RALGAPA2: variants seen among roughly 807,000 people sequenced by gnomAD.
The protein encoded by RALGAPA2 is Ral GTPase activating protein catalytic subunit alpha 2.
In RALGAPA2, 139 loss-of-function variants were observed where a neutral mutation model predicts 230.4. The observed-to-expected ratio is 0.60, with a 90% CI of 0.53 to 0.69. The LOEUF (loss-of-function observed/expected upper bound fraction) is 0.69, where lower values mean the gene tolerates loss of function less well. Ranked by LOEUF, RALGAPA2 falls within the 30% of genes least tolerant of loss-of-function variation. The pLI, the probability that RALGAPA2 is intolerant of heterozygous loss-of-function variation, is 0.00. For synonymous variants in RALGAPA2, 847 were observed against 837.8 expected (o/e 1.01, Z -0.19); for missense variants, 2,163 against 2,276.0 (o/e 0.95, Z 1.01).
At chr20:20,608,736 T>G (rs2065896311) in intron 14 of RALGAPA2, among the ~76,000 whole-genome samples, 1 of 152,218 alleles carries the variant, frequency 6.6e-6, no homozygotes, top group Admixed American at 6.5e-5. Flanking sequence ...CTTAGTATTC[T>G]TGCCTCTTGC....
chr20:20,444,610 T>A (rs1359410406), intron 37 of RALGAPA2, among the ~76,000 whole-genome samples: 2 of 152,146 alleles, frequency 1.3e-5, no homozygotes, highest in Admixed American at 1.3e-4. Flanking sequence ...GGATAACTCC[T>A]CTCCTGATAC....
At chr20:20,648,968 C>G (rs569743961) in intron 4 of RALGAPA2, among the ~76,000 whole-genome samples, 1 of 152,214 alleles carries the variant, frequency 6.6e-6, no homozygotes, top group East Asian at 1.9e-4. Flanking sequence ...GGTTTCAGGG[C>G]TATTGTTTAA....
intron 38 of RALGAPA2, among the ~76,000 whole-genome samples, chr20:20,400,436 A>G (rs7264033): frequency 0.08 from 12,221 of 152,256 alleles, 1,269 homozygotes; most frequent in African/African-American, 0.25. Flanking sequence ...GCTCCCGTGC[A>G]GGGGCTAAGT....
chr20:20,404,972 C>T (rs1325384424), intron 38 of RALGAPA2, among the ~76,000 whole-genome samples: 7 of 152,188 alleles, frequency 4.6e-5, no homozygotes, highest in Admixed American at 2.6e-4. Context: ...TCACTGTCCC[C>T]GCAGTGGCTC....
chr20:20,641,263 G>A (rs2067021757), intron 5 of RALGAPA2, among the ~76,000 whole-genome samples: 2 of 152,192 alleles, frequency 1.3e-5, no homozygotes, highest in African/African-American at 4.8e-5. Flanking sequence ...CTCCCAGTAA[G>A]CACTATGTAA....
intron 1 of RALGAPA2, among the ~76,000 whole-genome samples, chr20:20,706,265 AG>A (rs1290789881): frequency 6.6e-6 from 1 of 152,190 alleles, no homozygotes; most frequent in Non-Finnish European, 1.5e-5. Flanking sequence ...CAAGCCTTAG[AG>A]GGATGGATGG....
intron 37 of RALGAPA2, among the ~76,000 whole-genome samples, chr20:20,421,514 T>C (rs1270377023): frequency 6.6e-6 from 1 of 152,004 alleles, no homozygotes; most frequent in Non-Finnish European, 1.5e-5. Context: ...CTACTAAAAA[T>C]ACAAAATTAG....
intron 36 of RALGAPA2, among the ~76,000 whole-genome samples, chr20:20,492,136 G>A (rs780315680): frequency 2.0e-5 from 3 of 152,098 alleles, no homozygotes; most frequent in Non-Finnish European, 4.4e-5. Context: ...TAATGAGGCC[G>A]AGTGAATGAA....
At chr20:20,619,202 C>T (rs1463159016) in intron 12 of RALGAPA2, 75 bp downstream of exon 12, 1 of 1,367,932 alleles carries the variant, frequency 7.3e-7, no homozygotes, top group Non-Finnish European at 9.6e-7. Flanking sequence ...TGACATTATC[C>T]CCAATAAACA....
At chr20:20,598,224 T>C (rs2065521929) in intron 16 of RALGAPA2, among the ~76,000 whole-genome samples, 1 of 152,204 alleles carries the variant, frequency 6.6e-6, no homozygotes. Flanking sequence ...TAACTGGTCA[T>C]TACTTCACAT....
intron 36 of RALGAPA2, among the ~76,000 whole-genome samples, chr20:20,492,751 G>A (rs138462523): frequency 4.6e-5 from 7 of 152,240 alleles, no homozygotes; most frequent in South Asian, 2.1e-4. Flanking sequence ...TCTGGGACGC[G>A]TGGAATGCAT....
chr20:20,710,651 A>G (rs1366529985), intron 1 of RALGAPA2, among the ~76,000 whole-genome samples: 4 of 152,052 alleles, frequency 2.6e-5, no homozygotes, highest in Non-Finnish European at 5.9e-5. Flanking sequence ...GTTCCCTAAA[A>G]TAAGACCTAC....
intron 36 of RALGAPA2, among the ~76,000 whole-genome samples, chr20:20,488,435 T>C (rs891389371): frequency 1.3e-5 from 2 of 152,238 alleles, no homozygotes; most frequent in African/African-American, 4.8e-5. Flanking sequence ...TACTGTGGTA[T>C]TGGTTTCCCA....
Position 20,654,495 on chromosome 20 carries a change from C to T in RALGAPA2, c.271-908G>A, listed in dbSNP as rs141125814. Among the ~76,000 whole-genome samples, 160 of 152,304 alleles carry T rather than the reference C, an allele frequency of 1.1e-3. No individual in the cohort carries two copies. In the East Asian group the frequency reaches 0.021, roughly 20 times the overall value. On this transcript the variant is annotated intron_variant, in intron 3 of 39. Transcript: ENST00000202677. ...GTGGGCCACCACGTCCAGCCCCATG[C>T]AGTATCTTTCTGTGCCTGGCTTATT...
At position 20,512,819 on chromosome 20, in the gene RALGAPA2, T is replaced by C. The variant is rs886855360; in HGVS notation, c.4550A>G (p.Asp1517Gly). 2.7e-5 allele frequency: 43 copies of C among 1,613,424 alleles called. No homozygotes were observed. The African/African-American group carries it at 4.9e-4, about 19-fold the overall frequency. The change falls in exon 32 of 40, where the codon GAT becomes GGT. Residue 1517 changes from aspartate to glycine, a missense_variant. Physicochemically the swap from Asp to Gly is moderately conservative, Grantham distance 94. Coordinates refer to ENST00000202677, the MANE Select transcript of RALGAPA2 (RefSeq NM_020343.4). ...TTCAAGTAATTTGTCAAGAACATCA[T>C]CCCCCTCCTCAACTTGAGAAGAGTC... ...QKDSSQVEEGDDVLDKLLENI... is the reference protein window; with the variant it reads ...QKDSSQVEEGGDVLDKLLENI...
At chr20:20,439,246 T>G (rs2060681975) in intron 37 of RALGAPA2, among the ~76,000 whole-genome samples, 1 of 151,822 alleles carries the variant, frequency 6.6e-6, no homozygotes, top group South Asian at 2.1e-4. Flanking sequence ...AGGGTCTCAC[T>G]TTTTCACCCA....
intron 23 of RALGAPA2, among the ~76,000 whole-genome samples, chr20:20,556,547 C>T (rs1407913410): frequency 6.6e-6 from 1 of 152,188 alleles, no homozygotes; most frequent in Non-Finnish European, 1.5e-5. Context: ...TTCAAATCTA[C>T]ACCATTACAG....
chr20:20,481,855 T>C (rs772607919), intron 36 of RALGAPA2, among the ~76,000 whole-genome samples: 1 of 152,184 alleles, frequency 6.6e-6, no homozygotes, highest in Non-Finnish European at 1.5e-5. Context: ...GGCAGTGTTG[T>C]CTGCCCTGTG....
chr20:20,700,685 A>G (rs1274866836), intron 1 of RALGAPA2, among the ~76,000 whole-genome samples: 1 of 152,174 alleles, frequency 6.6e-6, no homozygotes. Context: ...ATCAAGGTTT[A>G]CGAACACCAA....
Sources: gnomAD v4.1 joint callset for allele counts (sites outside exome capture counted in the v4.1 genomes callset) on GRCh38, gnomAD v4.1.1 for gene constraint, MANE v1.5 for transcripts, NCBI Gene and HGNC (gene_info 2026-07-23, HGNC 2026-07-21) for gene names.